The following MICAL3 variants were observed in gnomAD, a reference collection of about 807,000 sequenced individuals.
MICAL3 encodes the protein microtubule associated monooxygenase, calponin and LIM domain containing 3.
MICAL3 carries 62 observed loss-of-function variants against 207.4 expected under a neutral mutation model. The ratio of observed to expected loss-of-function variants is 0.30; its 90% CI spans 0.24 to 0.37. MICAL3 has a LOEUF of 0.37. MICAL3 is among the 10% of genes least tolerant of loss of function. MICAL3 has a pLI of 1.00. For missense variants in MICAL3, 2,368 were observed against 2,635.6 expected, an observed-to-expected ratio of 0.90 and a Z score of 2.22; for synonymous variants, 1,077 against 1,069.3, an observed-to-expected ratio of 1.01 and a Z score of -0.14.
chr22:17,987,582 C>A (rs1270947423), intron 1 of MICAL3, among the ~76,000 whole-genome samples: 2 of 152,230 alleles, frequency 1.3e-5, no homozygotes, highest in African/African-American at 4.8e-5. Context: ...TACCTACCCA[C>A]CTGTATGGAA....
At chr22:17,873,910 G>A (rs1414660485) in intron 16 of MICAL3, among the ~76,000 whole-genome samples, 1 of 152,206 alleles carries the variant, frequency 6.6e-6, no homozygotes, top group Non-Finnish European at 1.5e-5. Context: ...ATGGAGTAAG[G>A]GGGCTCCCTG....
Position 18,019,781 on chromosome 22 carries a change from A to G in MICAL3, c.-75+4500T>C, listed in dbSNP as rs565770020. ...GAATGCGGCTTTTTTGGAATTTTCTACTAGAGAAAATGAGAATGCTGCTGA... is the reference window on the plus strand; with the variant it reads ...GAATGCGGCTTTTTTGGAATTTTCTGCTAGAGAAAATGAGAATGCTGCTGA... On this transcript the variant is annotated intron_variant, in intron 1 of 31. Coordinates refer to ENST00000441493, the MANE Select transcript of MICAL3 (RefSeq NM_015241.3). 15 of 194,832 alleles carry G rather than the reference A, an allele frequency of 7.7e-5. No homozygotes were observed. In the South Asian group the frequency reaches 1.3e-3, roughly 17 times the overall value. The allele number at this position is 194,832 out of a possible 1,614,324, so 12.1% of individuals were successfully genotyped here.
At chr22:17,941,620 T>C (rs1180839213) in intron 1 of MICAL3, among the ~76,000 whole-genome samples, 2 of 152,240 alleles carry the variant, frequency 1.3e-5, no homozygotes, top group Non-Finnish European at 2.9e-5. Flanking sequence ...GAGAAGTAAC[T>C]GCCACATGCT....
chr22:17,860,958 T>C, intron 19 of MICAL3: 5 of 983,410 alleles, frequency 5.1e-6, no homozygotes, highest in Non-Finnish European at 6.0e-6. Flanking sequence ...TATAAATAAA[T>C]ATCTACCCAT....
At chr22:17,965,885 C>A (rs1217910399) in intron 1 of MICAL3, among the ~76,000 whole-genome samples, 1 of 152,240 alleles carries the variant, frequency 6.6e-6, no homozygotes, top group Non-Finnish European at 1.5e-5. Flanking sequence ...CCAACCTCCA[C>A]ATTCTATGCC....
intron 1 of MICAL3, among the ~76,000 whole-genome samples, chr22:18,012,177 G>A (rs1923783396): frequency 6.6e-6 from 1 of 152,214 alleles, no homozygotes; most frequent in South Asian, 2.1e-4. Context: ...GAAGTTTGCA[G>A]TGAGCAGAGA....
At chr22:17,966,630 C>T (rs77183895) in intron 1 of MICAL3, among the ~76,000 whole-genome samples, 46 of 152,320 alleles carry the variant, frequency 3.0e-4, no homozygotes, top group African/African-American at 1.1e-3. Context: ...ACACACTTGG[C>T]TGTCCAATTC....
At chr22:18,008,750 C>T (rs142890179) in intron 1 of MICAL3, among the ~76,000 whole-genome samples, 52 of 152,052 alleles carry the variant, frequency 3.4e-4, no homozygotes, top group African/African-American at 1.2e-3. Context: ...TAATTCCAGA[C>T]TGATTTGCAT....
chr22:17,805,139 G>A (rs1378572817), intron 29 of MICAL3, among the ~76,000 whole-genome samples: 2 of 152,236 alleles, frequency 1.3e-5, no homozygotes, highest in Non-Finnish European at 2.9e-5. Context: ...GCAGGTTCCA[G>A]CCAGTTTACT....
chr22:17,934,236 G>A (rs1933409091), intron 1 of MICAL3, among the ~76,000 whole-genome samples: 1 of 152,158 alleles, frequency 6.6e-6, no homozygotes, highest in South Asian at 2.1e-4. Flanking sequence ...AAATCCAGCA[G>A]CACATCAAAA....
At position 17,818,559 on chromosome 22, in the gene MICAL3, C is replaced by T. The variant is rs200625626; in HGVS notation, c.4102G>A (p.Val1368Ile). 6.0e-5 allele frequency: 97 copies of T among 1,613,540 alleles called. No homozygotes were observed. Among genetic ancestry groups the T allele is most frequent in the Admixed American group, 1.7e-4 (10 of 60,028 alleles). ...CCCTCATCCTGGGGGGACTTTTCAA[C>T]GGAATAGGATTTGAGGGACACTGGC... ...FRPVSLKSYS[V>I]EKSPQDEGLH... Residue 1368 changes from valine to isoleucine, a missense_variant, in exon 26 of 32, where the codon GTT (valine) becomes ATT (isoleucine). This residue lies in a region of MICAL3 where 1,770 missense variants were observed against 1,863.2 expected (regional missense o/e 0.95). Transcript: ENST00000441493.
chr22:17,878,797 A>G (rs1929141265), intron 16 of MICAL3, among the ~76,000 whole-genome samples: 1 of 152,158 alleles, frequency 6.6e-6, no homozygotes, highest in Non-Finnish European at 1.5e-5. Flanking sequence ...GTGTTTCAGA[A>G]AAGACTAAAG....
In MICAL3 at chr22:18,014,116, G is replaced by GACACACACACACAC. The variant is rs35404796; in HGVS notation, c.-75+10151_-75+10164dup. Among the ~76,000 whole-genome samples, 9 of 148,038 alleles carry GACACACACACACAC rather than the reference G, an allele frequency of 6.1e-5. No individual in the cohort carries two copies. The South Asian group carries it at 1.1e-3, about 18-fold the overall frequency. ...CCGACCTCTCTCTCTCCCTCTCTTA[G>GACACACACACACAC]ACACACACACACACACACACACACA... is the stretch of plus-strand genomic sequence containing the variant. On this transcript the variant is annotated intron_variant, in intron 1 of 31. Transcript: ENST00000441493.
At chr22:17,981,808 G>C (rs932343769) in intron 1 of MICAL3, among the ~76,000 whole-genome samples, 1 of 152,098 alleles carries the variant, frequency 6.6e-6, no homozygotes, top group African/African-American at 2.4e-5. Flanking sequence ...TTATAATGGC[G>C]GCAGTTAACA....
intron 14 of MICAL3, 23 bp downstream of exon 14, chr22:17,887,300 C>A (rs4819472): frequency 1 from 1,607,402 of 1,611,100 alleles, 801,857 homozygotes; most frequent in East Asian, 1. Flanking sequence ...CTTTGCAGCC[C>A]ATCAAGAGAC....
At chr22:17,852,965 C>T (rs2146105488) in intron 19 of MICAL3, among the ~76,000 whole-genome samples, 1 of 151,996 alleles carries the variant, frequency 6.6e-6, no homozygotes, top group South Asian at 2.1e-4. Flanking sequence ...ATCCCAGCTA[C>T]TCAGGAGACT....
At chr22:17,833,435 T>A (rs1351337284) in intron 20 of MICAL3, among the ~76,000 whole-genome samples, 1 of 152,204 alleles carries the variant, frequency 6.6e-6, no homozygotes, top group African/African-American at 2.4e-5. Context: ...CGAGGGTGTG[T>A]CCTCTCTCTG....
At chr22:17,829,333 A>AT (rs1922546686) in intron 21 of MICAL3, among the ~76,000 whole-genome samples, 1 of 151,734 alleles carries the variant, frequency 6.6e-6, no homozygotes, top group Non-Finnish European at 1.5e-5. Context: ...TGCCCGACTA[A>AT]TTTTTTATAT....
chr22:17,997,017 T>C (rs1313133018), intron 1 of MICAL3, among the ~76,000 whole-genome samples: 4 of 151,292 alleles, frequency 2.6e-5, no homozygotes, highest in African/African-American at 9.7e-5. Flanking sequence ...TGATTCTCTT[T>C]GATTCTCTCT....
Sources: gnomAD v4.1 joint callset for allele counts (sites outside exome capture counted in the v4.1 genomes callset) on GRCh38, gnomAD v4.1.1 for gene constraint, gnomAD v4.1.1 regional missense constraint, MANE v1.5 for transcripts, NCBI Gene and HGNC (gene_info 2026-07-23, HGNC 2026-07-21) for gene names.